KIRREL3: variants seen among roughly 807,000 people sequenced by gnomAD.
KIRREL3 encodes kirre like nephrin family adhesion molecule 3.
KIRREL3 carries 36 observed loss-of-function variants against 89.7 expected under a neutral mutation model. The observed-to-expected ratio is 0.40, with a 90% CI of 0.31 to 0.53. KIRREL3 has a LOEUF of 0.53. KIRREL3 is among the 20% of genes least tolerant of loss of function. The pLI is 0.49. For missense variants in KIRREL3, 864 were observed against 1,056.6 expected (o/e 0.82, Z 2.53); for synonymous variants, 445 against 441.4 (o/e 1.01, Z -0.10).
At chr11:126,457,197 G>GTGTGTGTGTGTGTGTGTGTA (rs1956376606) in intron 6 of KIRREL3, among the ~76,000 whole-genome samples, 5 of 151,250 alleles carry the variant, frequency 3.3e-5, no homozygotes, top group South Asian at 4.2e-4. Context: ...GTGTGTGTGT[G>GTGTGTGTGTGTGTGTGTGTA]TGTGTGTGTG....
At chr11:126,583,297 G>A (rs1391976661) in intron 1 of KIRREL3, among the ~76,000 whole-genome samples, 1 of 152,174 alleles carries the variant, frequency 6.6e-6, no homozygotes, top group African/African-American at 2.4e-5. Flanking sequence ...AGGGCAATAA[G>A]CCATCTTTCT....
In KIRREL3 at chr11:126,657,262, A is replaced by C. The variant is rs528204508; in HGVS notation, c.56-94350T>G. Among the ~76,000 whole-genome samples, 172 of 151,586 alleles carry C rather than the reference A, an allele frequency of 1.1e-3. 1 individual carries two copies. Among genetic ancestry groups the C allele is most frequent in the Non-Finnish European group, 1.8e-3 (121 of 67,854 alleles). On this transcript the variant is annotated intron_variant, in intron 1 of 16. Transcript: ENST00000525144. ...CAAATAAATAATTAAATAAATAAAT[A>C]AATAAATAAATAAATAAATCTTCAT...
Position 126,948,836 on chromosome 11 carries a change from C to G in KIRREL3, c.55+51619G>C, listed in dbSNP as rs886698243. On this transcript the variant is annotated intron_variant, in intron 1 of 16. Transcript: ENST00000525144. The surrounding 1 kb of genome is among the most constrained non-coding windows in gnomAD (Gnocchi z 4.5). ...GCCAGGGAAAGAGATGTGAGCTCACCCTCAAAGCTTCTGAAGTGTCCACAT... is the reference window on the plus strand; with the variant it reads ...GCCAGGGAAAGAGATGTGAGCTCACGCTCAAAGCTTCTGAAGTGTCCACAT... Among the ~76,000 whole-genome samples the G allele has an allele frequency of 6.6e-6, 1 of 152,078 alleles. No homozygotes were observed. The highest frequency in any genetic ancestry group is 6.6e-5 in the Admixed American group (1 of 15,258).
rs766453346 is a variant in KIRREL3, at chr11:126,429,898, A to T, written c.1697-610T>A. Among the ~76,000 whole-genome samples the T allele has an allele frequency of 1.7e-4, 26 of 152,148 alleles. No homozygotes were observed. The highest frequency in any genetic ancestry group is 3.2e-4 in the Non-Finnish European group (22 of 68,038). Reference sequence around the variant, plus strand: ...ACGCCTGTAATCCCAGCACTTTGGGAGGCCGAGGTGGGCAGATCACGAGGT... The same window carrying T: ...ACGCCTGTAATCCCAGCACTTTGGGTGGCCGAGGTGGGCAGATCACGAGGT... On this transcript the variant is annotated intron_variant, in intron 14 of 16. Transcript: ENST00000525144. This position sits in a 1 kb window ranked among gnomAD's most constrained non-coding sequence, Gnocchi z 5.2.
chr11:126,749,022 T>C (rs1309571028), intron 1 of KIRREL3, among the ~76,000 whole-genome samples: 1 of 152,116 alleles, frequency 6.6e-6, no homozygotes, highest in Non-Finnish European at 1.5e-5. Context: ...CTCCTCTCCC[T>C]GCAGTCTCCA....
rs1327624199 is a variant in KIRREL3, at chr11:126,689,975, C to T, written c.56-127063G>A. The stretch of plus-strand genomic sequence containing the variant: ...GCTTCTTTTAGACCCTATTTGTCTC[C>T]CGGCCTCACACTGCCTTCCTCTTGC... On this transcript the variant is annotated intron_variant, in intron 1 of 16. Coordinates refer to ENST00000525144, the MANE Select transcript of KIRREL3 (RefSeq NM_032531.4). This position sits in a 1 kb window ranked among gnomAD's most constrained non-coding sequence, Gnocchi z 5.2. 6.6e-6 allele frequency among the ~76,000 whole-genome samples: 1 copy of T among 152,140 alleles called. No homozygotes were observed. Among genetic ancestry groups the T allele is most frequent in the African/African-American group, 2.4e-5 (1 of 41,414 alleles).
Position 126,551,600 on chromosome 11 carries a change from T to C in KIRREL3, c.133+11235A>G, listed in dbSNP as rs12785598. 0.25 allele frequency among the ~76,000 whole-genome samples: 37,321 copies of C among 151,216 alleles called. 5,777 individuals are homozygous for C. Among genetic ancestry groups the C allele is most frequent in the African/African-American group, 0.42 (17,418 of 41,014 alleles). On this transcript the variant is annotated intron_variant, in intron 2 of 16. Coordinates refer to ENST00000525144, the MANE Select transcript of KIRREL3 (RefSeq NM_032531.4). The surrounding 1 kb of genome is among the most constrained non-coding windows in gnomAD (Gnocchi z 4.9). ...TATGATCATTTAACAATTAGTCCAG[T>C]GCACTGTATTGCATGAATGTCTCCC...
In KIRREL3 at chr11:126,425,622, C is replaced by A. The variant is rs1177755411; in HGVS notation, c.1893+16G>T. On this transcript the variant is annotated intron_variant, in intron 16 of 16. Transcript: ENST00000525144. ...AGATTCCATGGCTGTGTCTTATAAC[C>A]CGGGGCCCTTCTTACCTTCAGGTTC... 2 of 1,563,336 alleles carry A rather than the reference C, an allele frequency of 1.3e-6. No individual in the cohort carries two copies. The highest frequency in any genetic ancestry group is 1.7e-6 in the Non-Finnish European group (2 of 1,150,808).
intron 1 of KIRREL3, among the ~76,000 whole-genome samples, chr11:126,862,842 C>T (rs373245775): frequency 4.1e-4 from 63 of 152,170 alleles, no homozygotes; most frequent in African/African-American, 1.5e-3. Flanking sequence ...TGTAGACACT[C>T]GAGGCCCGGT....
In KIRREL3 at chr11:127,000,579, T is replaced by G. The variant is rs369799713; in HGVS notation, c.-70A>C. ...GTTAGTTTCTCTTCCTTGGCGGCTC[T>G]CGGTGCTCAGCCTCCGCCGGTCCTC... On this transcript the variant is annotated 5_prime_UTR_variant, in exon 1 of 17. Coordinates refer to ENST00000525144, the MANE Select transcript of KIRREL3 (RefSeq NM_032531.4). This position sits in a 1 kb window ranked among gnomAD's most constrained non-coding sequence, Gnocchi z 7.1. 37 of 1,519,728 alleles carry G rather than the reference T, an allele frequency of 2.4e-5. No homozygotes were observed. The African/African-American group carries it at 4.7e-4, about 19-fold the overall frequency. The allele number at this position is 1,519,728 out of a possible 1,614,324, so 94.1% of individuals were successfully genotyped here.
chr11:126,859,061 T>C (rs997515825), intron 1 of KIRREL3, among the ~76,000 whole-genome samples: 2 of 152,094 alleles, frequency 1.3e-5, no homozygotes, highest in Non-Finnish European at 2.9e-5. Flanking sequence ...GCACAAACAC[T>C]CTCTTAAAGA....
chr11:126,840,209 G>A (rs1486061158), intron 1 of KIRREL3, among the ~76,000 whole-genome samples: 1 of 152,136 alleles, frequency 6.6e-6, no homozygotes, highest in Non-Finnish European at 1.5e-5. Context: ...GGCATCTCAT[G>A]CATATTTCAA....
chr11:126,728,620 T>A (rs1795477732), intron 1 of KIRREL3, among the ~76,000 whole-genome samples: 1 of 152,114 alleles, frequency 6.6e-6, no homozygotes, highest in Non-Finnish European at 1.5e-5. Flanking sequence ...GTGGGGCCAG[T>A]GTAGGGCCCA....
At chr11:126,884,046 C>A (rs933750604) in intron 1 of KIRREL3, among the ~76,000 whole-genome samples, 1 of 152,166 alleles carries the variant, frequency 6.6e-6, no homozygotes, top group Admixed American at 6.5e-5. Flanking sequence ...TGATGCTTTT[C>A]AATCTTAACA....
At position 126,776,285 on chromosome 11, in the gene KIRREL3, T is replaced by A. The variant is rs190844989; in HGVS notation, c.56-213373A>T. Among the ~76,000 whole-genome samples, 4 of 152,316 alleles carry A rather than the reference T, an allele frequency of 2.6e-5. No homozygotes were observed. On this transcript the variant is annotated intron_variant, in intron 1 of 16. Transcript: ENST00000525144. This position sits in a 1 kb window ranked among gnomAD's most constrained non-coding sequence, Gnocchi z 4.7. ...GAGCTGGAGGACTTGGAAGGGAATG[T>A]GTGCTTCCGGTGGAGTTTGCTGAAG...
intron 1 of KIRREL3, among the ~76,000 whole-genome samples, chr11:126,825,632 A>G (rs1238935039): frequency 1.3e-5 from 2 of 152,242 alleles, no homozygotes; most frequent in African/African-American, 4.8e-5. Flanking sequence ...TTACAAGGAA[A>G]GGGAATACTA....
rs1944997799 is a variant in KIRREL3, at chr11:126,653,595, A to G, written c.56-90683T>C. ...GGCATTTTGCAAACTCCAATCCCCC[A>G]GGACCACATGTGAAGGAGCTCTTTT... On this transcript the variant is annotated intron_variant, in intron 1 of 16. Coordinates refer to ENST00000525144, the MANE Select transcript of KIRREL3 (RefSeq NM_032531.4). The surrounding 1 kb of genome is among the most constrained non-coding windows in gnomAD (Gnocchi z 5.4). Among the ~76,000 whole-genome samples, 1 of 152,202 alleles carries G rather than the reference A, an allele frequency of 6.6e-6. No homozygotes were observed. The highest frequency in any genetic ancestry group is 2.4e-5 in the African/African-American group (1 of 41,470).
At chr11:126,815,331 A>G (rs1239165037) in intron 1 of KIRREL3, among the ~76,000 whole-genome samples, 1 of 152,082 alleles carries the variant, frequency 6.6e-6, no homozygotes. Context: ...TCACACCCTG[A>G]TTCTGTTCTT....
rs1944543947 is a variant in KIRREL3 at position 126,643,314 on chromosome 11, A to G, written c.56-80402T>C. On this transcript the variant is annotated intron_variant, in intron 1 of 16. Coordinates refer to ENST00000525144, the MANE Select transcript of KIRREL3 (RefSeq NM_032531.4). This position sits in a 1 kb window ranked among gnomAD's most constrained non-coding sequence, Gnocchi z 4.5. ...TTTATTAAACTAATGAATTACAAAT[A>G]AAGAAAATGTTAGGGAAACACAGAG... 6.6e-6 allele frequency among the ~76,000 whole-genome samples: 1 copy of G among 152,264 alleles called. No homozygotes were observed. The highest frequency in any genetic ancestry group is 2.4e-5 in the African/African-American group (1 of 41,474).
Sources: gnomAD v4.1 joint callset for allele counts (sites outside exome capture counted in the v4.1 genomes callset) on GRCh38, gnomAD v4.1.1 for gene constraint, Gnocchi (gnomAD v3.1) non-coding constraint, MANE v1.5 for transcripts, NCBI Gene and HGNC (gene_info 2026-07-23, HGNC 2026-07-21) for gene names.